Variants in BBX observed in about 807,000 individuals in gnomAD.
BBX encodes the protein HMG box transcription factor BBX.
A neutral mutation model predicts 100.2 loss-of-function variants in BBX; 30 were observed. The ratio of observed to expected loss-of-function variants is 0.30; its 90% CI spans 0.22 to 0.41. The LOEUF is 0.41. Ranked by LOEUF, BBX falls within the 10% of genes least tolerant of loss-of-function variation. The probability of loss-of-function intolerance (pLI) is 1.00; values close to 1 mark genes in which losing one functional copy is unlikely to be tolerated. For synonymous variants in BBX, 376 were observed against 388.1 expected (o/e 0.97, Z 0.37); for missense variants, 1,023 against 1,129.8 (o/e 0.91, Z 1.35).
intron 5 of BBX, among the ~76,000 whole-genome samples, chr3:107,728,295 G>A (rs1210768247): frequency 6.6e-6 from 1 of 152,140 alleles, no homozygotes; most frequent in Non-Finnish European, 1.5e-5. Flanking sequence ...GATGTGCTAT[G>A]CACCACTGCT....
rs754905445 is a variant in BBX, at chr3:107,566,175, CAAAAAAAAAA to C, written c.-84+39795_-84+39804del. ...GGGCAACAAGAGCGAAACTCTGTCTCAAAAAAAAAAAAAAAAAAAAAAAAAAAGATAGTTT... is the reference window on the plus strand; with the variant it reads ...GGGCAACAAGAGCGAAACTCTGTCTCAAAAAAAAAAAAAAAAAGATAGTTT... On this transcript the variant is annotated intron_variant, in intron 2 of 17. Coordinates refer to ENST00000325805, the MANE Select transcript of BBX (RefSeq NM_001142568.3). 4.2e-3 allele frequency among the ~76,000 whole-genome samples: 222 copies of C among 53,058 alleles called. 3 individuals are homozygous for C. Among genetic ancestry groups the C allele is most frequent in the African/African-American group, 0.015 (212 of 14,034 alleles). 34.8% of individuals were successfully genotyped at this position (53,058 alleles called of 152,430 possible). A position where few individuals can be genotyped will look rare whatever the true frequency, so the allele number is the denominator to read the frequency against.
chr3:107,601,011 A>G (rs2054025743), intron 2 of BBX, among the ~76,000 whole-genome samples: 2 of 152,176 alleles, frequency 1.3e-5, no homozygotes, highest in African/African-American at 4.8e-5. Flanking sequence ...CTGTGTTACA[A>G]TTTGGTCATT....
chr3:107,543,841 A>C (rs1369648734), intron 2 of BBX, among the ~76,000 whole-genome samples: 1 of 152,224 alleles, frequency 6.6e-6, no homozygotes, highest in Non-Finnish European at 1.5e-5. Flanking sequence ...GGAGAAAAGA[A>C]GTTTGTAAAG....
chr3:107,570,164 G>T (rs1439369057), intron 2 of BBX, among the ~76,000 whole-genome samples: 1 of 152,236 alleles, frequency 6.6e-6, no homozygotes, highest in Non-Finnish European at 1.5e-5. Flanking sequence ...GCGTTATGAA[G>T]TTCTTGTGTG....
chr3:107,743,917 GGTTTTT>G (rs2064327961), intron 7 of BBX, among the ~76,000 whole-genome samples: 1 of 47,234 alleles, frequency 2.1e-5, no homozygotes. Context: ...TTGTTTTAGT[GGTTTTT>G]TTTTTTTTTT....
chr3:107,801,518 C>T (rs908702446), intron 17 of BBX, among the ~76,000 whole-genome samples: 2 of 152,108 alleles, frequency 1.3e-5, no homozygotes, highest in Admixed American at 1.3e-4. Context: ...ACTTCATTTC[C>T]GTAAAAAGCC....
chr3:107,673,045 G>C (rs1309963136), intron 3 of BBX, among the ~76,000 whole-genome samples: 1 of 151,926 alleles, frequency 6.6e-6, no homozygotes, highest in Non-Finnish European at 1.5e-5. Context: ...TTCAATATGG[G>C]AGTTAAATTG....
chr3:107,766,473 A>C (rs2066403513), intron 10 of BBX, among the ~76,000 whole-genome samples: 1 of 152,220 alleles, frequency 6.6e-6, no homozygotes, highest in Non-Finnish European at 1.5e-5. Context: ...GGATTAGAGA[A>C]GATAAAGCCA....
At position 107,798,382 on chromosome 3, in the gene BBX, T is replaced by A. The variant is rs12636746; in HGVS notation, c.2354-141T>A. ...AAGTTAGGGGCAACGTTTTATTTCA[T>A]TTTTTCCATCAGTACTTTGAAAACT... On this transcript the variant is annotated intron_variant, in intron 15 of 17. Coordinates refer to ENST00000325805, the MANE Select transcript of BBX (RefSeq NM_001142568.3). The A allele has an allele frequency of 2.3e-4, 175 of 759,690 alleles. No individual in the cohort carries two copies. The East Asian group carries it at 4.3e-3, about 19-fold the overall frequency. 47.1% of individuals were successfully genotyped at this position (759,690 alleles called of 1,614,324 possible).
In BBX at chr3:107,773,040, A is replaced by G. The variant is rs1234069023; in HGVS notation, c.1319A>G (p.Asp440Gly). 1 of 1,614,100 alleles carries G rather than the reference A, an allele frequency of 6.2e-7. No homozygotes were observed. Among genetic ancestry groups the G allele is most frequent in the Admixed American group, 1.7e-5 (1 of 59,992 alleles). Reference sequence around the variant, plus strand: ...CCTCATGGAATTATGATCATTGAGGATCCCGCAGCATTAAACAAGCCAGAA... The same window carrying G: ...CCTCATGGAATTATGATCATTGAGGGTCCCGCAGCATTAAACAAGCCAGAA... ...CHPHGIMIIE[D>G]PAALNKPEKL... Residue 440 changes from aspartate to glycine, a missense_variant, in exon 11 of 18, where the codon GAT (aspartate) becomes GGT (glycine). By Grantham distance (94) the Asp-to-Gly change is moderately conservative. Transcript: ENST00000325805. This position sits in a 1 kb window ranked among gnomAD's most constrained non-coding sequence, Gnocchi z 4.1.
At chr3:107,716,945 T>G in intron 5 of BBX, 96 bp downstream of exon 5, 2 of 1,406,406 alleles carry the variant, frequency 1.4e-6, no homozygotes, top group Non-Finnish European at 1.9e-6. Flanking sequence ...GGTCTAGCAA[T>G]GAGAAGGTGA....
chr3:107,545,729 C>T (rs1366136569), intron 2 of BBX, among the ~76,000 whole-genome samples: 1 of 152,148 alleles, frequency 6.6e-6, no homozygotes, highest in East Asian at 1.9e-4. Context: ...AGTAGGAAAT[C>T]CATTACCCTG....
At chr3:107,584,503 T>C (rs1433284084) in intron 2 of BBX, among the ~76,000 whole-genome samples, 1 of 150,712 alleles carries the variant, frequency 6.6e-6, no homozygotes, top group Non-Finnish European at 1.5e-5. Flanking sequence ...ACTGTAATGA[T>C]GGTAATTATT....
chr3:107,670,968 G>A (rs1005842387), intron 3 of BBX, among the ~76,000 whole-genome samples: 1 of 151,924 alleles, frequency 6.6e-6, no homozygotes, highest in African/African-American at 2.4e-5. Context: ...AAAAATATAT[G>A]GCTAGTTGAG....
intron 3 of BBX, among the ~76,000 whole-genome samples, chr3:107,709,782 A>G (rs1443951223): frequency 6.6e-6 from 1 of 152,222 alleles, no homozygotes; most frequent in Non-Finnish European, 1.5e-5. Flanking sequence ...ATGGAGAAGA[A>G]CTTTTTTTTA....
chr3:107,740,489 G>A (rs1333925505), intron 7 of BBX, among the ~76,000 whole-genome samples: 1 of 151,978 alleles, frequency 6.6e-6, no homozygotes, highest in Non-Finnish European at 1.5e-5. Flanking sequence ...CCTGCCTCCA[G>A]TCATCCCCAG....
At chr3:107,681,638 G>A (rs371338003) in intron 3 of BBX, among the ~76,000 whole-genome samples, 2 of 152,020 alleles carry the variant, frequency 1.3e-5, no homozygotes, top group African/African-American at 2.4e-5. Flanking sequence ...TTAGAGTACC[G>A]GATATTACTG....
chr3:107,551,674 G>A (rs2049694583), intron 2 of BBX, among the ~76,000 whole-genome samples: 1 of 152,184 alleles, frequency 6.6e-6, no homozygotes, highest in South Asian at 2.1e-4. Context: ...ACACTGATGT[G>A]AGTATCCTGT....
At chr3:107,741,142 G>C (rs550756661) in intron 7 of BBX, among the ~76,000 whole-genome samples, 1 of 151,810 alleles carries the variant, frequency 6.6e-6, no homozygotes, top group Non-Finnish European at 1.5e-5. Context: ...TTTGTTGACC[G>C]TGTGTTCATG....
Sources: allele counts gnomAD v4.1 joint callset (sites outside exome capture counted in the v4.1 genomes callset), GRCh38; gene constraint gnomAD v4.1.1; non-coding constraint Gnocchi (gnomAD v3.1); transcripts MANE v1.5; gene names NCBI Gene and HGNC (gene_info 2026-07-23, HGNC 2026-07-21).